Variants in INSC observed in about 807,000 individuals in gnomAD.
The protein encoded by INSC is protein inscuteable homolog.
In INSC, 67 loss-of-function variants were observed where a neutral mutation model predicts 58.6. The observed-to-expected ratio is 1.14, with a 90% CI of 0.94 to 1.40. The LOEUF (loss-of-function observed/expected upper bound fraction) is 1.40. Ranked by LOEUF, INSC falls within the 40% of genes most tolerant of loss-of-function variation. The probability of loss-of-function intolerance (pLI) is 0.00; values close to 1 mark genes in which losing one functional copy is unlikely to be tolerated. For synonymous variants in INSC, 262 were observed against 276.1 expected, an observed-to-expected ratio of 0.95 and a Z score of 0.51; for missense variants, 714 against 692.0, an observed-to-expected ratio of 1.03 and a Z score of -0.36.
At chr11:15,218,756 G>A (rs1427726202) in intron 7 of INSC, among the ~76,000 whole-genome samples, 2 of 152,080 alleles carry the variant, frequency 1.3e-5, no homozygotes, top group African/African-American at 4.8e-5. Context: ...ATCAGGATGG[G>A]GTCACTTTCC....
At chr11:15,149,087 C>T in intron 1 of INSC, 43 bp from the exon 2 acceptor site, 3 of 1,511,406 alleles carry the variant, frequency 2.0e-6, no homozygotes, top group Non-Finnish European at 2.7e-6. Flanking sequence ...ATTGTGCCTC[C>T]TCTTTTAGGA....
upstream of INSC, among the ~76,000 whole-genome samples, chr11:15,114,247 G>A (rs530575652): frequency 1.5e-5 from 2 of 135,008 alleles, no homozygotes; most frequent in South Asian, 5.7e-4. Flanking sequence ...AGTCCAGGAC[G>A]GGGGTGGGGG....
At chr11:15,206,017 G>A (rs910448711) in intron 7 of INSC, among the ~76,000 whole-genome samples, 8 of 152,180 alleles carry the variant, frequency 5.3e-5, no homozygotes, top group Non-Finnish European at 7.3e-5. Flanking sequence ...GAGCTGTCAC[G>A]TGGAGGTCTG....
chr11:15,249,107 GACCTCCTTCC>G (rs1852623298), downstream of INSC, among the ~76,000 whole-genome samples: 3 of 152,146 alleles, frequency 2.0e-5, no homozygotes, highest in African/African-American at 7.2e-5. Context: ...CTCACCTTCT[GACCTCCTTCC>G]AGTGCCTCCC....
downstream of INSC, among the ~76,000 whole-genome samples, chr11:15,251,245 C>A (rs1448540085): frequency 6.6e-6 from 1 of 152,172 alleles, no homozygotes; most frequent in Non-Finnish European, 1.5e-5. Context: ...ATGCCAAACA[C>A]AAAAATTAAC....
At position 15,190,816 on chromosome 11, in the gene INSC, T is replaced by C; in HGVS notation, c.693+2T>C. ...CCCTTGTGCCGCATCATAGCCAAGGTGAGCTTCATGGTTAGGGACCAAAAT... is the reference window on the plus strand; with the variant it reads ...CCCTTGTGCCGCATCATAGCCAAGGCGAGCTTCATGGTTAGGGACCAAAAT... On this transcript the variant is annotated splice_donor_variant, in intron 6 of 12. Transcript: ENST00000379556. LOFTEE classifies it high-confidence loss of function. The C allele has an allele frequency of 1.2e-6, 2 of 1,606,388 alleles. No individual in the cohort carries two copies. Among genetic ancestry groups the C allele is most frequent in the Middle Eastern group, 3.3e-4 (2 of 6,018 alleles).
chr11:15,245,256 T>A (rs1852515585), intron 12 of INSC, among the ~76,000 whole-genome samples: 3 of 151,888 alleles, frequency 2.0e-5, no homozygotes, highest in South Asian at 2.1e-4. Flanking sequence ...GAGGTGACAA[T>A]AGGCAGGAGC....
intron 5 of INSC, among the ~76,000 whole-genome samples, chr11:15,185,861 A>G (rs1849946048): frequency 6.6e-6 from 1 of 152,212 alleles, no homozygotes; most frequent in Non-Finnish European, 1.5e-5. Flanking sequence ...TTTTAAACTT[A>G]TGATAAAAAA....
intron 7 of INSC, among the ~76,000 whole-genome samples, chr11:15,210,546 T>TGTGG (rs746992240): frequency 1.4e-5 from 2 of 145,420 alleles, no homozygotes; most frequent in African/African-American, 5.1e-5. Context: ...TGTGTGTGTG[T>TGTGG]GGTGGAGTGG....
At chr11:15,194,358 C>T (rs769881275) in intron 6 of INSC, among the ~76,000 whole-genome samples, 1 of 152,154 alleles carries the variant, frequency 6.6e-6, no homozygotes, top group Non-Finnish European at 1.5e-5. Flanking sequence ...CACTCGGTAT[C>T]GCAGTCCCTC....
chr11:15,231,500 A>G (rs1851924879), intron 9 of INSC, among the ~76,000 whole-genome samples: 1 of 152,246 alleles, frequency 6.6e-6, no homozygotes, highest in Non-Finnish European at 1.5e-5. Flanking sequence ...TGTGGCCTGT[A>G]GGTCATGGGT....
intron 6 of INSC, among the ~76,000 whole-genome samples, chr11:15,196,638 C>G (rs149025858): frequency 1.3e-5 from 2 of 152,146 alleles, no homozygotes; most frequent in Non-Finnish European, 2.9e-5. Context: ...AGAATATGAG[C>G]TTTCTGAAGT....
At chr11:15,208,631 G>C (rs1850900751) in intron 7 of INSC, among the ~76,000 whole-genome samples, 1 of 152,236 alleles carries the variant, frequency 6.6e-6, no homozygotes, top group Non-Finnish European at 1.5e-5. Flanking sequence ...TTATGGGCCA[G>C]TACTTTCCAG....
intron 11 of INSC, 131 bp from the exon 12 acceptor site, chr11:15,240,316 C>A: frequency 1.4e-6 from 1 of 739,266 alleles, no homozygotes; most frequent in Non-Finnish European, 2.3e-6. Flanking sequence ...TAAGTTTCCA[C>A]CACAGACTCC....
At chr11:15,174,848 T>C (rs1379227724) in intron 2 of INSC, among the ~76,000 whole-genome samples, 1 of 152,236 alleles carries the variant, frequency 6.6e-6, no homozygotes, top group East Asian at 1.9e-4. Context: ...CTTAACATCT[T>C]CATATCTGCT....
chr11:15,248,913 C>A (rs1852620995), downstream of INSC, among the ~76,000 whole-genome samples: 1 of 152,112 alleles, frequency 6.6e-6, no homozygotes, highest in Non-Finnish European at 1.5e-5. Flanking sequence ...GACTAACCAC[C>A]AAGGTAAGCC....
chr11:15,139,847 A>C (rs1848327785), intron 1 of INSC, among the ~76,000 whole-genome samples: 1 of 152,208 alleles, frequency 6.6e-6, no homozygotes, highest in Non-Finnish European at 1.5e-5. Context: ...TAAGATCTTG[A>C]GATCTGGGCA....
chr11:15,180,039 G>T (rs1849707724), intron 5 of INSC, among the ~76,000 whole-genome samples: 1 of 152,298 alleles, frequency 6.6e-6, no homozygotes, highest in African/African-American at 2.4e-5. Flanking sequence ...GGCAGATCAC[G>T]AGGTCAGGAG....
intron 5 of INSC, among the ~76,000 whole-genome samples, chr11:15,187,104 T>TACACGTGGCTTTTCTAGCATCACATTCTC (rs1473730188): frequency 2.6e-5 from 4 of 152,132 alleles, no homozygotes. Flanking sequence ...ATAGGGATCC[T>TACACGTGGCTTTTCTAGCATCACATTCTC]ACACGTGGCT....
Sources: gnomAD v4.1 joint callset for allele counts (sites outside exome capture counted in the v4.1 genomes callset) on GRCh38, gnomAD v4.1.1 for gene constraint, MANE v1.5 for transcripts, NCBI Gene and HGNC (gene_info 2026-07-23, HGNC 2026-07-21) for gene names.